The following TSHZ2 variants were observed in gnomAD, a reference collection of about 807,000 sequenced individuals.
TSHZ2 encodes teashirt homolog 2.
TSHZ2 carries 21 observed loss-of-function variants against 74.4 expected under a neutral mutation model. The ratio of observed to expected loss-of-function variants is 0.28; its 90% CI spans 0.20 to 0.41. The LOEUF (loss-of-function observed/expected upper bound fraction) is 0.41. Ranked by LOEUF, TSHZ2 falls within the 10% of genes least tolerant of loss-of-function variation. The pLI is 1.00. For synonymous variants in TSHZ2, 540 were observed against 515.3 expected, an observed-to-expected ratio of 1.05 and a Z score of -0.65; for missense variants, 1,244 against 1,293.5, an observed-to-expected ratio of 0.96 and a Z score of 0.59.
intron 1 of TSHZ2, among the ~76,000 whole-genome samples, chr20:53,079,008 T>C (rs1985450193): frequency 6.6e-6 from 1 of 151,990 alleles, no homozygotes; most frequent in South Asian, 2.1e-4. Context: ...TAGGGTGAGA[T>C]TATTGAGGAA....
chr20:53,371,560 G>A (rs1981470668), intron 2 of TSHZ2, among the ~76,000 whole-genome samples: 1 of 152,222 alleles, frequency 6.6e-6, no homozygotes, highest in Non-Finnish European at 1.5e-5. Flanking sequence ...AGTTCTGAAG[G>A]ACAGAGTCTG....
At chr20:53,402,100 T>C (rs1005121683) in intron 2 of TSHZ2, among the ~76,000 whole-genome samples, 7 of 152,212 alleles carry the variant, frequency 4.6e-5, no homozygotes, top group Non-Finnish European at 8.8e-5. Context: ...ACATTTTCTT[T>C]ATCCACTTGG....
intron 2 of TSHZ2, among the ~76,000 whole-genome samples, chr20:53,425,892 C>A (rs1983636903): frequency 6.6e-6 from 1 of 151,954 alleles, no homozygotes; most frequent in East Asian, 1.9e-4. Flanking sequence ...TTGGTCCATC[C>A]CTCCCTTACA....
chr20:53,250,832 T>TG (rs146405409), intron 1 of TSHZ2, among the ~76,000 whole-genome samples: 4,458 of 139,212 alleles, frequency 0.032, 191 homozygotes, highest in East Asian at 0.24. Context: ...CAAATGTCAG[T>TG]GGGAAAAAAA....
In TSHZ2 at chr20:53,254,792, C is replaced by T; in HGVS notation, c.1334C>T (p.Pro445Leu). 6.2e-7 allele frequency: 1 copy of T among 1,613,220 alleles called. No individual in the cohort carries two copies. The highest frequency in any genetic ancestry group is 8.5e-7 in the Non-Finnish European group (1 of 1,179,490). The change falls in exon 2 of 3, where the codon CCA becomes CTA. Residue 445 changes from proline to leucine, a missense_variant. Pro to Leu is a moderately conservative substitution (Grantham distance 98). Around this residue, in one of 6 missense-constraint regions of TSHZ2, gnomAD observed 562 missense variants for 544.0 expected, o/e 1.03. Transcript: ENST00000371497. ...APNSDSLAPKPSSNSASDCTA... is the reference protein window; with the variant it reads ...APNSDSLAPKLSSNSASDCTA... The stretch of plus-strand genomic sequence containing the variant: ...AACAGTGATTCTCTGGCTCCCAAGC[C>T]ATCCAGTAACTCAGCATCAGATTGT...
chr20:52,996,726 T>G (rs1426038203), intron 1 of TSHZ2, among the ~76,000 whole-genome samples: 1 of 152,222 alleles, frequency 6.6e-6, no homozygotes, highest in Admixed American at 6.5e-5. Flanking sequence ...GTTTCTAGGC[T>G]GCTGACATAT....
At chr20:53,267,628 C>T (rs1379574123) in intron 2 of TSHZ2, among the ~76,000 whole-genome samples, 2 of 152,174 alleles carry the variant, frequency 1.3e-5, no homozygotes, top group East Asian at 1.9e-4. Flanking sequence ...CATGTCATCT[C>T]CTGTCTGTAC....
chr20:53,015,150 T>A (rs2123013348), intron 1 of TSHZ2, among the ~76,000 whole-genome samples: 1 of 152,324 alleles, frequency 6.6e-6, no homozygotes, highest in Non-Finnish European at 1.5e-5. Flanking sequence ...CTTCTCCTCA[T>A]CATTGTCACT....
chr20:53,305,177 A>G (rs1978477818), intron 2 of TSHZ2, among the ~76,000 whole-genome samples: 1 of 151,776 alleles, frequency 6.6e-6, no homozygotes, highest in Non-Finnish European at 1.5e-5. Flanking sequence ...TGACCTCGTG[A>G]TCTGCCTGCC....
chr20:53,438,583 T>C (rs1242378186), intron 2 of TSHZ2, among the ~76,000 whole-genome samples: 1 of 152,220 alleles, frequency 6.6e-6, no homozygotes, highest in Non-Finnish European at 1.5e-5. Context: ...TTGGGTCACA[T>C]GCCCAGCCCT....
chr20:53,321,683 C>CAAAAAAAAAAAAAAAAAAAA (rs59907513), intron 2 of TSHZ2, among the ~76,000 whole-genome samples: 7 of 58,286 alleles, frequency 1.2e-4, no homozygotes, highest in African/African-American at 5.0e-4. Flanking sequence ...GACTCCATCT[C>CAAAAAAAAAAAAAAAAAAAA]AAAAAAAAAA....
chr20:53,197,324 T>A (rs928028869), intron 1 of TSHZ2, among the ~76,000 whole-genome samples: 35 of 152,214 alleles, frequency 2.3e-4, no homozygotes, highest in African/African-American at 8.4e-4. Flanking sequence ...TTTAAAAAAA[T>A]TTTGATTCTC....
intron 2 of TSHZ2, among the ~76,000 whole-genome samples, chr20:53,479,493 G>A (rs1986088343): frequency 6.6e-6 from 1 of 152,124 alleles, no homozygotes; most frequent in Non-Finnish European, 1.5e-5. Context: ...GGGTCTTGAG[G>A]ATCATGAACA....
intron 2 of TSHZ2, among the ~76,000 whole-genome samples, chr20:53,462,186 G>A (rs191709378): frequency 5.5e-4 from 84 of 152,248 alleles, no homozygotes; most frequent in East Asian, 3.5e-3. Context: ...CCTGGGAGGC[G>A]GAGGTTGCAG....
chr20:53,270,669 C>G (rs1476049223), intron 2 of TSHZ2, among the ~76,000 whole-genome samples: 1 of 152,070 alleles, frequency 6.6e-6, no homozygotes, highest in South Asian at 2.1e-4. Flanking sequence ...ATGCCTCCCC[C>G]CCAAAAAAAG....
At chr20:53,037,224 C>T (rs980722806) in intron 1 of TSHZ2, among the ~76,000 whole-genome samples, 11 of 152,134 alleles carry the variant, frequency 7.2e-5, no homozygotes, top group Non-Finnish European at 1.5e-4. Flanking sequence ...GGTCAGTGAG[C>T]GCTCAGGAAG....
At chr20:53,081,176 C>G (rs1202079317) in intron 1 of TSHZ2, among the ~76,000 whole-genome samples, 1 of 152,092 alleles carries the variant, frequency 6.6e-6, no homozygotes, top group Non-Finnish European at 1.5e-5. Context: ...CCACCACACC[C>G]ACCTGTTTTT....
chr20:52,981,784 G>T (rs1342741344), intron 1 of TSHZ2, among the ~76,000 whole-genome samples: 2 of 152,160 alleles, frequency 1.3e-5, no homozygotes. Context: ...GGTAACAATG[G>T]TAACAATGAT....
intron 1 of TSHZ2, among the ~76,000 whole-genome samples, chr20:53,202,606 T>A (rs1002315858): frequency 6.6e-6 from 1 of 152,188 alleles, no homozygotes; most frequent in African/African-American, 2.4e-5. Flanking sequence ...ATTCTACAGA[T>A]GAAGAACATA....
Sources: gnomAD v4.1 joint callset for allele counts (sites outside exome capture counted in the v4.1 genomes callset) on GRCh38, gnomAD v4.1.1 for gene constraint, gnomAD v4.1.1 regional missense constraint, MANE v1.5 for transcripts, NCBI Gene and HGNC (gene_info 2026-07-23, HGNC 2026-07-21) for gene names.